MTA3: variants seen among roughly 807,000 people sequenced by gnomAD.
MTA3 encodes the protein metastasis-associated protein MTA3.
Under a neutral mutation model 83.5 loss-of-function variants are expected in MTA3, and 34 were observed. That is an observed-to-expected ratio of 0.41 (90% CI 0.31 to 0.54). The LOEUF is 0.54. Ranked by LOEUF, MTA3 falls within the 20% of genes least tolerant of loss-of-function variation. The pLI, the probability that MTA3 is intolerant of heterozygous loss-of-function variation, is 0.33. For missense variants in MTA3, 761 were observed against 726.4 expected (o/e 1.05, Z -0.55); for synonymous variants, 303 against 252.7 (o/e 1.20, Z -1.89).
At chr2:42,510,656 GA>G (rs1343321106) in intron 2 of MTA3, among the ~76,000 whole-genome samples, 6 of 152,202 alleles carry the variant, frequency 3.9e-5, no homozygotes, top group Admixed American at 1.3e-4. Context: ...AAAATATGGG[GA>G]AAAAAATGTA....
At chr2:42,672,705 C>T (rs1690936192) in intron 8 of MTA3, among the ~76,000 whole-genome samples, 1 of 130,366 alleles carries the variant, frequency 7.7e-6, no homozygotes. Flanking sequence ...CACACAAGAA[C>T]ATGACTCAGG....
intron 11 of MTA3, among the ~76,000 whole-genome samples, chr2:42,698,035 G>A (rs1361342273): frequency 6.6e-6 from 1 of 152,152 alleles, no homozygotes; most frequent in African/African-American, 2.4e-5. Context: ...GAAGACTAGA[G>A]GAAGAAATGT....
chr2:42,754,847 C>T lies in MTA3; in HGVS notation c.*1448C>T. Reference sequence around the variant, plus strand: ...GATGTCTGTGTCCTCGGAGGCTGAGCTCCGCTTGGCAGAGAGAGCGTGCTG... The same window carrying T: ...GATGTCTGTGTCCTCGGAGGCTGAGTTCCGCTTGGCAGAGAGAGCGTGCTG... On this transcript the variant is annotated 3_prime_UTR_variant, in exon 17 of 17. Transcript: ENST00000405094. 1.0e-6 allele frequency: 1 copy of T among 985,524 alleles called. No individual in the cohort carries two copies. Among genetic ancestry groups the T allele is most frequent in the Non-Finnish European group, 1.2e-6 (1 of 830,000 alleles). The allele number at this position is 985,524 out of a possible 1,614,324, so 61.0% of individuals were successfully genotyped here.
At chr2:42,565,292 G>A (rs891623347), upstream of MTA3, among the ~76,000 whole-genome samples, 3 of 151,532 alleles carry the variant, frequency 2.0e-5, no homozygotes, top group Admixed American at 6.6e-5. Context: ...CAAGCGATTT[G>A]CCTGCCTCAG....
intron 8 of MTA3, among the ~76,000 whole-genome samples, chr2:42,660,170 C>T (rs1041339784): frequency 6.6e-6 from 1 of 151,910 alleles, no homozygotes; most frequent in Non-Finnish European, 1.5e-5. Flanking sequence ...CTCACTGCAA[C>T]CTCCGCCTCC....
At chr2:42,747,946 G>A (rs1027738049) in intron 16 of MTA3, among the ~76,000 whole-genome samples, 2 of 151,548 alleles carry the variant, frequency 1.3e-5, no homozygotes, top group East Asian at 3.9e-4. Context: ...CCTCCCACCT[G>A]CCCTCCCCAT....
intron 4 of MTA3, among the ~76,000 whole-genome samples, chr2:42,612,328 C>T (rs527522833): frequency 2.0e-5 from 3 of 152,234 alleles, no homozygotes; most frequent in South Asian, 4.1e-4. Context: ...GATCCTCCCA[C>T]CTCAGCCTCC....
At chr2:42,546,006 A>G (rs998466833) in intron 2 of MTA3, among the ~76,000 whole-genome samples, 2 of 152,226 alleles carry the variant, frequency 1.3e-5, no homozygotes, top group Non-Finnish European at 2.9e-5. Context: ...AATCGCAATG[A>G]TAATGGTACT....
intron 3 of MTA3, among the ~76,000 whole-genome samples, chr2:42,589,743 AG>A (rs1680748498): frequency 1.3e-5 from 2 of 152,232 alleles, no homozygotes; most frequent in South Asian, 2.1e-4. Context: ...AGTAGAGACA[AG>A]TTTCACCATG....
intron 16 of MTA3, among the ~76,000 whole-genome samples, chr2:42,728,703 G>C (rs894535267): frequency 1.3e-5 from 2 of 152,168 alleles, no homozygotes; most frequent in African/African-American, 4.8e-5. Context: ...TTTCTCTGAT[G>C]ATCATTGGTG....
chr2:42,529,657 C>T (rs759477050), intron 2 of MTA3, among the ~76,000 whole-genome samples: 2 of 152,156 alleles, frequency 1.3e-5, no homozygotes, highest in African/African-American at 2.4e-5. Context: ...TGGGTAGCAG[C>T]GGTGTGAGAC....
At chr2:42,525,850 G>A (rs1229416921) in intron 2 of MTA3, among the ~76,000 whole-genome samples, 2 of 151,530 alleles carry the variant, frequency 1.3e-5, no homozygotes, top group Non-Finnish European at 2.9e-5. Context: ...GGTAGAGACG[G>A]GGTTTCACCT....
At chr2:42,502,552 A>G (rs1674442957) in intron 2 of MTA3, among the ~76,000 whole-genome samples, 1 of 152,178 alleles carries the variant, frequency 6.6e-6, no homozygotes, top group Non-Finnish European at 1.5e-5. Context: ...TACTCCCAGC[A>G]CTTTGGGAGG....
intron 16 of MTA3, among the ~76,000 whole-genome samples, chr2:42,748,405 A>T (rs2104600258): frequency 6.6e-6 from 1 of 152,058 alleles, no homozygotes; most frequent in African/African-American, 2.4e-5. Flanking sequence ...TACAGTGTGT[A>T]CTCTATTTGT....
chr2:42,501,713 C>G (rs891451516), intron 2 of MTA3, among the ~76,000 whole-genome samples: 10 of 152,194 alleles, frequency 6.6e-5, no homozygotes, highest in African/African-American at 1.7e-4. Flanking sequence ...CACGGTGGCT[C>G]ATGCCTGTAA....
chr2:42,574,803 C>G (rs1377437516), intron 2 of MTA3, among the ~76,000 whole-genome samples: 5 of 152,150 alleles, frequency 3.3e-5, no homozygotes, highest in African/African-American at 9.7e-5. Context: ...CAAGCAGTCC[C>G]CCATCTTGGT....
chr2:42,646,701 G>A (rs972439163), intron 6 of MTA3, among the ~76,000 whole-genome samples: 1 of 152,144 alleles, frequency 6.6e-6, no homozygotes, highest in Non-Finnish European at 1.5e-5. Context: ...GTGAGTAGTC[G>A]ATTCTTATGG....
rs1184568553 is a variant in MTA3 at position 42,558,854 on chromosome 2, C to T, written c.-140-11583C>T. Among the ~76,000 whole-genome samples, 3 of 146,388 alleles carry T rather than the reference C, an allele frequency of 2.0e-5. No individual in the cohort carries two copies. The East Asian group carries it at 6.0e-4, about 29-fold the overall frequency. Reference sequence around the variant, plus strand: ...ACAGGCGTGAGCCACCGTGCCCGGCCTTTTTTTTTTTAACTAAAACCCATG... The same window carrying T: ...ACAGGCGTGAGCCACCGTGCCCGGCTTTTTTTTTTTTAACTAAAACCCATG... On this transcript the variant is annotated intron_variant, in intron 2 of 17. Coordinates refer to the MTA3 transcript ENST00000405592.
At chr2:42,573,226 CT>C (rs1176030935) in intron 2 of MTA3, among the ~76,000 whole-genome samples, 1 of 152,230 alleles carries the variant, frequency 6.6e-6, no homozygotes, top group Non-Finnish European at 1.5e-5. Context: ...AAAATGCCAT[CT>C]GGTAACTTGT....
Sources: gnomAD v4.1 joint callset for allele counts (sites outside exome capture counted in the v4.1 genomes callset) on GRCh38, gnomAD v4.1.1 for gene constraint, MANE v1.5 for transcripts, NCBI Gene and HGNC (gene_info 2026-07-23, HGNC 2026-07-21) for gene names.